The following MS4A5 variants were observed in gnomAD, a reference collection of about 807,000 sequenced individuals.
MS4A5 encodes membrane spanning 4-domains A5, also known as membrane-spanning 4-domains subfamily A member 5.
MS4A5 carries 15 observed loss-of-function variants against 18.2 expected under a neutral mutation model. That is an observed-to-expected ratio of 0.83 (90% CI 0.55 to 1.27). MS4A5 has a LOEUF of 1.27. Ranked by LOEUF, MS4A5 falls within the 50% of genes most tolerant of loss-of-function variation. The pLI, the probability that MS4A5 is intolerant of heterozygous loss-of-function variation, is 0.00. For synonymous variants in MS4A5, 89 were observed against 78.7 expected (o/e 1.13, Z -0.69); for missense variants, 232 against 225.7 (o/e 1.03, Z -0.18).
chr11:60,429,894 G>A (rs2086039292), intron 1 of MS4A5, 67 bp downstream of exon 1: 1 of 1,474,174 alleles, frequency 6.8e-7, no homozygotes, highest in Non-Finnish European at 9.2e-7. Context: ...ATTATCTGTT[G>A]GCACATGTTT....
chr11:60,446,093 A>AACAG (rs897992836), intron 4 of MS4A5, among the ~76,000 whole-genome samples: 93 of 152,206 alleles, frequency 6.1e-4, no homozygotes, highest in Non-Finnish European at 9.8e-4. Flanking sequence ...CAAACAAACA[A>AACAG]AAAAACACAG....
intron 4 of MS4A5, among the ~76,000 whole-genome samples, chr11:60,443,995 C>T (rs76513183): frequency 0.053 from 8,091 of 152,090 alleles, 288 homozygotes; most frequent in South Asian, 0.16. Flanking sequence ...AACTTTCTCT[C>T]AAAAAAGAAA....
chr11:60,431,610 T>A (rs2086048878), intron 2 of MS4A5, among the ~76,000 whole-genome samples: 1 of 152,068 alleles, frequency 6.6e-6, no homozygotes, highest in South Asian at 2.1e-4. Context: ...AGGAAAGGCA[T>A]CAACAAAACA....
chr11:60,438,572 TA>T (rs1165795424), intron 4 of MS4A5, among the ~76,000 whole-genome samples: 4 of 151,676 alleles, frequency 2.6e-5, no homozygotes, highest in African/African-American at 9.7e-5. Flanking sequence ...ATAGACGCAA[TA>T]AAAAATGATA....
At chr11:60,443,854 A>T (rs4939361) in intron 4 of MS4A5, among the ~76,000 whole-genome samples, 1 of 152,176 alleles carries the variant, frequency 6.6e-6, no homozygotes, top group African/African-American at 2.4e-5. Context: ...TATTTGATGC[A>T]TTAGATGATT....
intron 4 of MS4A5, among the ~76,000 whole-genome samples, chr11:60,441,715 C>T (rs956009918): frequency 2.7e-5 from 4 of 146,930 alleles, no homozygotes; most frequent in Non-Finnish European, 6.0e-5. Flanking sequence ...CTGTGTAAAA[C>T]TATTATGTAC....
chr11:60,444,715 T>C (rs754247193), intron 4 of MS4A5, among the ~76,000 whole-genome samples: 1 of 152,122 alleles, frequency 6.6e-6, no homozygotes, highest in Non-Finnish European at 1.5e-5. Context: ...AATAAGACAC[T>C]ACTCCACACA....
chr11:60,446,439 G>C (rs892774881), intron 4 of MS4A5, among the ~76,000 whole-genome samples: 2 of 152,098 alleles, frequency 1.3e-5, no homozygotes, highest in Non-Finnish European at 2.9e-5. Context: ...TGCTGTGATT[G>C]AAAAAAACAC....
Position 60,437,404 on chromosome 11 carries a change from T to C in MS4A5, c.492+3487T>C, listed in dbSNP as rs539479632. On this transcript the variant is annotated intron_variant, in intron 4 of 4. Transcript: ENST00000300190. ...ACCAGCTAACATCATAATGACAGGA[T>C]CAAATTCACACATAACAATATTAAC... 5.8e-4 allele frequency among the ~76,000 whole-genome samples: 87 copies of C among 148,774 alleles called. 2 individuals carry two copies. The South Asian group carries it at 0.017, about 28-fold the overall frequency.
intron 4 of MS4A5, among the ~76,000 whole-genome samples, chr11:60,443,845 A>T (rs995941708): frequency 3.3e-5 from 5 of 152,174 alleles, no homozygotes; most frequent in African/African-American, 9.6e-5. Context: ...CATAAAAATT[A>T]TTTGATGCAT....
intron 4 of MS4A5, among the ~76,000 whole-genome samples, chr11:60,439,925 T>A (rs10897063): frequency 9.2e-6 from 1 of 108,282 alleles, no homozygotes; most frequent in Admixed American, 1.1e-4. Flanking sequence ...GAAAAAACTA[T>A]TTTAAAGTTC....
chr11:60,441,840 G>A (rs994421193), intron 4 of MS4A5, among the ~76,000 whole-genome samples: 1 of 152,022 alleles, frequency 6.6e-6, no homozygotes, highest in Non-Finnish European at 1.5e-5. Context: ...AGCTACACTA[G>A]TAACAAACAA....
chr11:60,447,549 C>G, intron 4 of MS4A5, 100 bp from the exon 5 acceptor site: 1 of 650,016 alleles, frequency 1.5e-6, no homozygotes, highest in South Asian at 2.0e-5. Flanking sequence ...TTTGGGGAAG[C>G]TTTTATTATC....
At chr11:60,446,648 G>T (rs1045037327) in intron 4 of MS4A5, among the ~76,000 whole-genome samples, 2 of 151,696 alleles carry the variant, frequency 1.3e-5, no homozygotes, top group Non-Finnish European at 2.9e-5. Flanking sequence ...CAGGAGAATC[G>T]CTTGAACCTG....
At chr11:60,437,075 C>T (rs1590832573) in intron 4 of MS4A5, among the ~76,000 whole-genome samples, 1 of 137,332 alleles carries the variant, frequency 7.3e-6, no homozygotes, top group Non-Finnish European at 1.6e-5. Flanking sequence ...GTGGATCTCT[C>T]GGCAGAAACC....
chr11:60,446,590 G>A (rs563077819), intron 4 of MS4A5, among the ~76,000 whole-genome samples: 4 of 152,198 alleles, frequency 2.6e-5, no homozygotes, highest in Admixed American at 6.5e-5. Flanking sequence ...AAAACTAGCC[G>A]GGTTTGGTGG....
chr11:60,439,143 C>T (rs2086096924), intron 4 of MS4A5, among the ~76,000 whole-genome samples: 1 of 123,532 alleles, frequency 8.1e-6, no homozygotes, highest in African/African-American at 3.2e-5. Context: ...TAAATGTAAT[C>T]CAGCATATAA....
chr11:60,434,595 T>A (rs889005797), intron 4 of MS4A5, among the ~76,000 whole-genome samples: 5 of 152,176 alleles, frequency 3.3e-5, no homozygotes, highest in Admixed American at 6.5e-5. Context: ...TTGGTAATGG[T>A]TAAGTATGGC....
At chr11:60,441,456 T>TAAAAAAAAAAAAAAAA (rs201729443) in intron 4 of MS4A5, among the ~76,000 whole-genome samples, 3 of 105,808 alleles carry the variant, frequency 2.8e-5, no homozygotes, top group East Asian at 2.7e-4. Flanking sequence ...AAAAGGCCAT[T>TAAAAAAAAAAAAAAAA]AAAAAAAAAA....
Sources: gnomAD v4.1 joint callset for allele counts (sites outside exome capture counted in the v4.1 genomes callset) on GRCh38, gnomAD v4.1.1 for gene constraint, MANE v1.5 for transcripts, NCBI Gene and HGNC (gene_info 2026-07-23, HGNC 2026-07-21) for gene names.